The following CPXM2 variants were observed in gnomAD, a reference collection of about 807,000 sequenced individuals.
CPXM2 encodes the protein carboxypeptidase X, M14 family member 2, also known as inactive carboxypeptidase-like protein X2.
Under a neutral mutation model 86.1 loss-of-function variants are expected in CPXM2, and 66 were observed. That is an observed-to-expected ratio of 0.77 (90% confidence interval 0.63 to 0.94). The LOEUF is 0.94. Among genes scored for constraint, CPXM2 ranks in the 40% least tolerant of loss-of-function variants. The pLI is 0.00. For missense variants in CPXM2, 948 were observed against 1,026.3 expected (o/e 0.92, Z 1.04); for synonymous variants, 388 against 400.2 (o/e 0.97, Z 0.36).
chr10:123,870,801 A>C (rs1352822931), intron 2 of CPXM2, among the ~76,000 whole-genome samples: 1 of 152,184 alleles, frequency 6.6e-6, no homozygotes, highest in East Asian at 1.9e-4. Context: ...CAGGAAACTT[A>C]AAGGAAAGGT....
At chr10:123,759,195 C>T (rs545337868) in intron 11 of CPXM2, among the ~76,000 whole-genome samples, 9 of 152,254 alleles carry the variant, frequency 5.9e-5, no homozygotes, top group East Asian at 5.8e-4. Flanking sequence ...AAAATTCCTT[C>T]GGTCAAACCT....
At chr10:123,818,075 T>C (rs1030284491) in intron 4 of CPXM2, among the ~76,000 whole-genome samples, 8 of 152,184 alleles carry the variant, frequency 5.3e-5, no homozygotes, top group African/African-American at 1.9e-4. Context: ...GGAGGAGGTA[T>C]GTGGATGGAC....
At chr10:123,824,572 G>C (rs111595957) in intron 4 of CPXM2, among the ~76,000 whole-genome samples, 413 of 152,250 alleles carry the variant, frequency 2.7e-3, no homozygotes, top group African/African-American at 9.1e-3. Flanking sequence ...ACCAGCTGGC[G>C]TGCTGAGAGC....
rs1428494515 is a variant in CPXM2 at position 123,746,582 on chromosome 10, AAG to A, written c.*180_*181del. On this transcript the variant is annotated 3_prime_UTR_variant, in exon 14 of 14. Coordinates refer to ENST00000241305, the MANE Select transcript of CPXM2 (RefSeq NM_198148.3). ...CAAGTTATTTGGATAAATGGGAACA[AAG>A]AAAAGAAAACAGCCTCAGCCTCCAG... is the stretch of plus-strand genomic sequence containing the variant. 3 of 634,424 alleles carry A rather than the reference AAG, an allele frequency of 4.7e-6. No homozygotes were observed. The highest frequency in any genetic ancestry group is 8.1e-6 in the Non-Finnish European group (3 of 368,504). 39.3% of individuals were successfully genotyped at this position (634,424 alleles called of 1,614,324 possible).
At chr10:123,862,406 T>C (rs771146613) in intron 3 of CPXM2, among the ~76,000 whole-genome samples, 1 of 152,224 alleles carries the variant, frequency 6.6e-6, no homozygotes, top group Non-Finnish European at 1.5e-5. Context: ...GTGGTCTCAC[T>C]TTTACTCACG....
chr10:123,805,384 A>G (rs7913161), intron 4 of CPXM2, among the ~76,000 whole-genome samples: 22,028 of 151,924 alleles, frequency 0.14, 1,729 homozygotes, highest in East Asian at 0.33. Flanking sequence ...TCATGCCATA[A>G]ATTTCGATAG....
chr10:123,768,879 G>T (rs1175780968), intron 8 of CPXM2, among the ~76,000 whole-genome samples, 157 bp from the exon 9 acceptor site: 1 of 152,248 alleles, frequency 6.6e-6, no homozygotes, highest in African/African-American at 2.4e-5. Context: ...ATGACATCAG[G>T]ACAACTGTCT....
upstream of CPXM2, among the ~76,000 whole-genome samples, chr10:123,894,720 C>A (rs1413093457): frequency 2.0e-5 from 3 of 152,086 alleles, no homozygotes; most frequent in Admixed American, 1.3e-4. Flanking sequence ...TCATCTTGGC[C>A]CCATCTCTCC....
chr10:123,837,746 G>T (rs1178827637), intron 4 of CPXM2, among the ~76,000 whole-genome samples: 1 of 152,062 alleles, frequency 6.6e-6, no homozygotes, highest in Non-Finnish European at 1.5e-5. Flanking sequence ...TATTTTTAAT[G>T]ATATTGGATA....
At chr10:123,925,882 A>T (rs1361876685) in intron 2 of CPXM2, among the ~76,000 whole-genome samples, 1 of 152,268 alleles carries the variant, frequency 6.6e-6, no homozygotes, top group Non-Finnish European at 1.5e-5. Context: ...AAATTGTAAT[A>T]ATTTAACATG....
At position 123,798,077 on chromosome 10, in the gene CPXM2, G is replaced by A. The variant is rs994025078; in HGVS notation, c.788C>T (p.Pro263Leu). Residue 263 changes from proline (P) to leucine (L), a missense_variant, in exon 6 of 14, where the codon CCC becomes CTC. Physicochemically the swap from Pro to Leu is moderately conservative, Grantham distance 98. Transcript: ENST00000241305. The part of the protein sequence containing the change: ...EKEIPVLNEL[P>L]VPMVARYIRI... Reference sequence around the variant, plus strand: ...GATGTAGCGGGCCACCATGGGGACGGGTAGCTCATTGAGAACAGGGATCTC... The same window carrying A: ...GATGTAGCGGGCCACCATGGGGACGAGTAGCTCATTGAGAACAGGGATCTC... 3 of 1,611,224 alleles carry A rather than the reference G, an allele frequency of 1.9e-6. No individual in the cohort carries two copies. The highest frequency in any genetic ancestry group is 2.5e-6 in the Non-Finnish European group (3 of 1,178,620).
intron 2 of CPXM2, among the ~76,000 whole-genome samples, chr10:123,897,936 A>G (rs1203907842): frequency 6.6e-6 from 1 of 152,194 alleles, no homozygotes; most frequent in Non-Finnish European, 1.5e-5. Flanking sequence ...CTCCCAGTCA[A>G]GGTACGGGGC....
chr10:123,824,144 C>T (rs72843031), intron 4 of CPXM2, among the ~76,000 whole-genome samples: 332 of 152,176 alleles, frequency 2.2e-3, no homozygotes, highest in Non-Finnish European at 4.2e-3. Flanking sequence ...TCATATTTTA[C>T]TATGTTTCTC....
intron 2 of CPXM2, among the ~76,000 whole-genome samples, chr10:123,867,649 C>A (rs1254225215): frequency 6.7e-6 from 1 of 150,258 alleles, no homozygotes; most frequent in Admixed American, 6.7e-5. Flanking sequence ...TCTCCTGCTT[C>A]AGCCTCCCAA....
At chr10:123,789,323 C>T (rs1435348550) in intron 6 of CPXM2, among the ~76,000 whole-genome samples, 2 of 152,220 alleles carry the variant, frequency 1.3e-5, no homozygotes, top group Non-Finnish European at 2.9e-5. Flanking sequence ...CTTATTCACT[C>T]ACTTCCATCC....
rs1846233486 is a variant in CPXM2 at position 123,757,190 on chromosome 10, C to T, written c.1917+23G>A. On this transcript the variant is annotated intron_variant, in intron 12 of 13. Transcript: ENST00000241305. Reference sequence around the variant, plus strand: ...CATCCCCCAGCTAGTCCCCCTCATCCCAGCCACACACCCGCAATATACCTG... The same window carrying T: ...CATCCCCCAGCTAGTCCCCCTCATCTCAGCCACACACCCGCAATATACCTG... 5 of 1,609,872 alleles carry T rather than the reference C, an allele frequency of 3.1e-6. No individual in the cohort carries two copies. In the East Asian group the frequency reaches 1.1e-4, roughly 36 times the overall value.
At chr10:123,762,306 C>A in intron 10 of CPXM2, 137 bp from the exon 11 acceptor site, 2 of 1,254,244 alleles carry the variant, frequency 1.6e-6, no homozygotes, top group Non-Finnish European at 2.2e-6. Flanking sequence ...AAAACCAATT[C>A]TGGGAAAATG....
intron 6 of CPXM2, among the ~76,000 whole-genome samples, chr10:123,797,130 C>T (rs1031739790): frequency 6.6e-6 from 1 of 152,204 alleles, no homozygotes; most frequent in Non-Finnish European, 1.5e-5. Context: ...CAAGCCACCC[C>T]GAGGTTACCC....
intron 3 of CPXM2, among the ~76,000 whole-genome samples, chr10:123,857,214 A>T (rs1283748409): frequency 6.6e-6 from 1 of 152,176 alleles, no homozygotes; most frequent in African/African-American, 2.4e-5. Context: ...TAACAAAAGT[A>T]AAATTCTACT....
Sources: gnomAD v4.1 joint callset for allele counts (sites outside exome capture counted in the v4.1 genomes callset) on GRCh38, gnomAD v4.1.1 for gene constraint, MANE v1.5 for transcripts, NCBI Gene and HGNC (gene_info 2026-07-23, HGNC 2026-07-21) for gene names.